The following ADGB variants were observed in gnomAD, a reference collection of about 807,000 sequenced individuals.
ADGB encodes the protein androglobin.
ADGB carries 172 observed loss-of-function variants against 210.5 expected under a neutral mutation model. That is an observed-to-expected ratio of 0.82 (90% CI 0.72 to 0.93). ADGB has a LOEUF of 0.93. Ranked by LOEUF, ADGB falls within the 40% of genes least tolerant of loss-of-function variation. ADGB has a pLI of 0.00. For synonymous variants in ADGB, 658 were observed against 662.7 expected (o/e 0.99, Z 0.11); for missense variants, 2,025 against 1,964.8 (o/e 1.03, Z -0.58).
chr6:146,795,936 T>C (rs1778034150), intron 33 of ADGB, among the ~76,000 whole-genome samples: 1 of 152,114 alleles, frequency 6.6e-6, no homozygotes, highest in Non-Finnish European at 1.5e-5. Flanking sequence ...CATGATTGTA[T>C]ACTGAGAAAA....
chr6:146,768,821 T>C (rs1413223875), intron 28 of ADGB, among the ~76,000 whole-genome samples, 199 bp from the exon 29 acceptor site: 2 of 152,124 alleles, frequency 1.3e-5, no homozygotes, highest in Non-Finnish European at 2.9e-5. Context: ...TGGCAGGTGT[T>C]GGTGGGGATG....
intron 2 of ADGB, among the ~76,000 whole-genome samples, chr6:146,641,123 C>T (rs1775507676): frequency 6.6e-6 from 1 of 151,802 alleles, no homozygotes; most frequent in Admixed American, 6.6e-5. Flanking sequence ...CAACAATAGC[C>T]AAAATGAGAG....
intron 1 of ADGB, among the ~76,000 whole-genome samples, chr6:146,623,612 A>G (rs573697789): frequency 9.4e-4 from 143 of 152,026 alleles, no homozygotes; most frequent in Admixed American, 1.1e-3. Context: ...GATTTTCTAC[A>G]TAGTTACAAT....
At chr6:146,716,220 C>T (rs1442287591) in intron 14 of ADGB, among the ~76,000 whole-genome samples, 1 of 152,120 alleles carries the variant, frequency 6.6e-6, no homozygotes, top group Non-Finnish European at 1.5e-5. Context: ...CCACCCCCTC[C>T]TATAAGAATA....
At chr6:146,693,361 T>C (rs966669025) in intron 12 of ADGB, among the ~76,000 whole-genome samples, 37 of 152,112 alleles carry the variant, frequency 2.4e-4, no homozygotes, top group Non-Finnish European at 4.6e-4. Context: ...ACACACACAG[T>C]GGAAAGGCTA....
chr6:146,658,241 T>C (rs1775811041), intron 5 of ADGB, among the ~76,000 whole-genome samples: 1 of 152,072 alleles, frequency 6.6e-6, no homozygotes, highest in African/African-American at 2.4e-5. Flanking sequence ...AGCAAGACAA[T>C]TGGCCTTGAA....
chr6:146,693,247 A>C (rs2114925017), intron 12 of ADGB, among the ~76,000 whole-genome samples: 1 of 152,206 alleles, frequency 6.6e-6, no homozygotes, highest in African/African-American at 2.4e-5. Context: ...ATTAAGGTGA[A>C]ATGAGTGATA....
chr6:146,694,256 C>CA (rs201445470), intron 12 of ADGB, among the ~76,000 whole-genome samples: 291 of 152,208 alleles, frequency 1.9e-3, no homozygotes, highest in African/African-American at 6.5e-3. Flanking sequence ...TTGTAAATAA[C>CA]AAAAAATTTA....
chr6:146,702,106 G>A (rs1407164437), intron 13 of ADGB, among the ~76,000 whole-genome samples: 2 of 151,756 alleles, frequency 1.3e-5, no homozygotes, highest in African/African-American at 4.8e-5. Flanking sequence ...TAATGGATTT[G>A]TGAAATTTAA....
In ADGB at chr6:146,694,611, C is replaced by A. The variant is rs545996341; in HGVS notation, c.1577+1696C>A. On this transcript the variant is annotated intron_variant, in intron 12 of 35. Coordinates refer to ENST00000397944, the MANE Select transcript of ADGB (RefSeq NM_024694.4). ...CTGTTGATGTGTTTTGTAAATTCAT[C>A]CAGTTCTTCCCCTAAAATGAATAAT... is the stretch of plus-strand genomic sequence containing the variant. Among the ~76,000 whole-genome samples, 3 of 152,266 alleles carry A rather than the reference C, an allele frequency of 2.0e-5. No homozygotes were observed. The East Asian group carries it at 5.8e-4, about 29-fold the overall frequency.
rs1775886210 is a variant in ADGB, at chr6:146,663,114, A to C, written c.613-1087A>C. 2.1e-5 allele frequency among the ~76,000 whole-genome samples: 3 copies of C among 141,460 alleles called. No individual in the cohort carries two copies. In the Admixed American group the frequency reaches 2.2e-4, roughly 10 times the overall value. 92.8% of individuals were successfully genotyped at this position (141,460 alleles called of 152,430 possible). A position where few individuals can be genotyped will look rare whatever the true frequency, so the allele number is the denominator to read the frequency against. ...ATATAAATATGTAATTATAGTATAAATATAATAAATATATAATTATATATA... is the reference window on the plus strand; with the variant it reads ...ATATAAATATGTAATTATAGTATAACTATAATAAATATATAATTATATATA... On this transcript the variant is annotated intron_variant, in intron 5 of 35. Coordinates refer to ENST00000397944, the MANE Select transcript of ADGB (RefSeq NM_024694.4).
intron 17 of ADGB, among the ~76,000 whole-genome samples, chr6:146,722,759 A>G (rs565679763): frequency 6.6e-6 from 1 of 152,304 alleles, no homozygotes; most frequent in Admixed American, 6.5e-5. Context: ...ATCAGAAAGG[A>G]TTTCTGCTTT....
At chr6:146,629,503 G>A (rs1781028317) in intron 1 of ADGB, among the ~76,000 whole-genome samples, 1 of 152,194 alleles carries the variant, frequency 6.6e-6, no homozygotes, top group Non-Finnish European at 1.5e-5. Flanking sequence ...ATAGCTTCAA[G>A]GAGGGAGCTG....
rs181915589 is a variant in ADGB at position 146,752,212 on chromosome 6, A to G, written c.3366-318A>G. ...AGCTTCCAATCATGGCAGAAGAGGA[A>G]TGGGGAGCAGGTACATCACATGGCC... On this transcript the variant is annotated intron_variant, in intron 26 of 35. Transcript: ENST00000397944. Among the ~76,000 whole-genome samples the G allele has an allele frequency of 3.9e-5, 6 of 152,086 alleles. No individual in the cohort carries two copies. In the East Asian group the frequency reaches 1.2e-3, roughly 30 times the overall value.
intron 7 of ADGB, among the ~76,000 whole-genome samples, chr6:146,670,276 G>C (rs1161900766): frequency 6.6e-6 from 1 of 150,560 alleles, no homozygotes; most frequent in Non-Finnish European, 1.5e-5. Context: ...CTTGAATGAA[G>C]TTTTACAGTC....
At position 146,610,884 on chromosome 6, in the gene ADGB, G is replaced by T. The variant is rs77814676; in HGVS notation, c.74+11770G>T. Among the ~76,000 whole-genome samples, 630 of 152,270 alleles carry T rather than the reference G, an allele frequency of 4.1e-3. 1 individual carries two copies. Among genetic ancestry groups the T allele is most frequent in the African/African-American group, 0.014 (571 of 41,554 alleles). On this transcript the variant is annotated intron_variant, in intron 1 of 35. Transcript: ENST00000397944. ...ACGTGCCCATGCTGCTGGTTGCAGG[G>T]TGGCAGGATCCATTCACACATGCAC...
intron 29 of ADGB, among the ~76,000 whole-genome samples, chr6:146,773,562 T>C (rs1220092756): frequency 6.6e-6 from 1 of 152,216 alleles, no homozygotes; most frequent in Non-Finnish European, 1.5e-5. Flanking sequence ...GTAGTTTTCA[T>C]GCATTCTTCT....
chr6:146,782,719 T>C (rs1777819428), intron 30 of ADGB, among the ~76,000 whole-genome samples: 1 of 152,070 alleles, frequency 6.6e-6, no homozygotes, highest in South Asian at 2.1e-4. Flanking sequence ...TAAAGCGTCA[T>C]TGGAAGGCTG....
intron 1 of ADGB, among the ~76,000 whole-genome samples, chr6:146,630,483 G>A (rs1446858782): frequency 6.6e-6 from 1 of 151,982 alleles, no homozygotes; most frequent in South Asian, 2.1e-4. Flanking sequence ...TGAGGTAGGA[G>A]CATCATTTGT....
Sources: allele counts gnomAD v4.1 joint callset (sites outside exome capture counted in the v4.1 genomes callset), GRCh38; gene constraint gnomAD v4.1.1; transcripts MANE v1.5; gene names NCBI Gene and HGNC (gene_info 2026-07-23, HGNC 2026-07-21).